Variants in PDSS2 observed in about 807,000 individuals in gnomAD.
The protein encoded by PDSS2 is decaprenyl diphosphate synthase subunit 2.
In PDSS2, 31 loss-of-function variants were observed where a neutral mutation model predicts 44.5. The observed-to-expected ratio is 0.70, with a 90% CI of 0.52 to 0.94. The LOEUF (loss-of-function observed/expected upper bound fraction) is 0.94, where lower values mean the gene tolerates loss of function less well. Ranked by LOEUF, PDSS2 falls within the 40% of genes least tolerant of loss-of-function variation. The probability of loss-of-function intolerance (pLI) is 0.00; values close to 1 mark genes in which losing one functional copy is unlikely to be tolerated. For missense variants in PDSS2, 452 were observed against 482.2 expected (o/e 0.94, Z 0.59); for synonymous variants, 157 against 180.3 (o/e 0.87, Z 1.03).
At chr6:107,427,796 T>A (rs2114734444) in intron 1 of PDSS2, among the ~76,000 whole-genome samples, 1 of 152,344 alleles carries the variant, frequency 6.6e-6, no homozygotes, top group South Asian at 2.1e-4. Context: ...AGTATTTAGA[T>A]TGGATTGTTA....
intron 4 of PDSS2, among the ~76,000 whole-genome samples, chr6:107,231,371 C>T (rs1393660893): frequency 6.6e-6 from 1 of 152,140 alleles, no homozygotes; most frequent in Non-Finnish European, 1.5e-5. Context: ...AAACAGGAGA[C>T]ATCAGTTGTA....
At chr6:107,252,645 G>A (rs968899708) in intron 3 of PDSS2, among the ~76,000 whole-genome samples, 2 of 152,220 alleles carry the variant, frequency 1.3e-5, no homozygotes, top group African/African-American at 4.8e-5. Flanking sequence ...AATTGCAACT[G>A]AGGCTAGATG....
intron 7 of PDSS2, among the ~76,000 whole-genome samples, chr6:107,188,583 T>A (rs1281102506): frequency 6.6e-6 from 1 of 152,136 alleles, no homozygotes; most frequent in Non-Finnish European, 1.5e-5. Context: ...TTGGATGTTT[T>A]ATCCCCTCCA....
intron 4 of PDSS2, among the ~76,000 whole-genome samples, chr6:107,239,347 C>T (rs144157491): frequency 1.3e-5 from 2 of 152,146 alleles, no homozygotes; most frequent in African/African-American, 4.8e-5. Flanking sequence ...TGAAATTGTT[C>T]AGTAAATTAC....
At chr6:107,335,478 A>T (rs1259637453) in intron 1 of PDSS2, among the ~76,000 whole-genome samples, 1 of 152,250 alleles carries the variant, frequency 6.6e-6, no homozygotes, top group Non-Finnish European at 1.5e-5. Flanking sequence ...AAGACGCAGA[A>T]ATTTGATAAG....
At chr6:107,337,647 CT>C (rs942410779) in intron 1 of PDSS2, among the ~76,000 whole-genome samples, 47 of 152,242 alleles carry the variant, frequency 3.1e-4, no homozygotes, top group African/African-American at 1.1e-3. Context: ...ATTTTCTTTC[CT>C]TGTTACTTTT....
chr6:107,260,272 A>G (rs1444638237), intron 3 of PDSS2, among the ~76,000 whole-genome samples: 1 of 152,216 alleles, frequency 6.6e-6, no homozygotes, highest in Non-Finnish European at 1.5e-5. Context: ...CCCAATCACT[A>G]TGGCTAAATA....
At chr6:107,452,269 ACT>A (rs1372369921) in intron 1 of PDSS2, among the ~76,000 whole-genome samples, 1 of 148,008 alleles carries the variant, frequency 6.8e-6, no homozygotes, top group East Asian at 2.0e-4. Context: ...ACAGAGTGTC[ACT>A]CTGTTGCCCA....
chr6:107,225,214 C>G (rs1773780339), intron 4 of PDSS2, among the ~76,000 whole-genome samples: 1 of 123,260 alleles, frequency 8.1e-6, no homozygotes, highest in South Asian at 2.6e-4. Context: ...CTCTGTTGCC[C>G]AGGCTGGAGT....
intron 1 of PDSS2, among the ~76,000 whole-genome samples, chr6:107,377,634 C>T (rs1779325989): frequency 6.6e-6 from 1 of 152,066 alleles, no homozygotes; most frequent in Non-Finnish European, 1.5e-5. Flanking sequence ...TTGGAACCAA[C>T]CCAAATGTCC....
intron 1 of PDSS2, among the ~76,000 whole-genome samples, chr6:107,336,225 C>T (rs976259193): frequency 6.7e-6 from 1 of 148,662 alleles, no homozygotes; most frequent in African/African-American, 2.5e-5. Flanking sequence ...ACTGCACTCC[C>T]AGCTTGGGTG....
chr6:107,171,498 C>CAA (rs1472280575), intron 7 of PDSS2, among the ~76,000 whole-genome samples: 2 of 151,772 alleles, frequency 1.3e-5, no homozygotes, highest in African/African-American at 4.8e-5. Flanking sequence ...TAAAAGACCA[C>CAA]AATTTTTTTC....
At chr6:107,263,196 T>G (rs1582865612) in intron 3 of PDSS2, among the ~76,000 whole-genome samples, 1 of 152,046 alleles carries the variant, frequency 6.6e-6, no homozygotes, top group Non-Finnish European at 1.5e-5. Flanking sequence ...CTTACGCCTG[T>G]AATCTCAGCA....
At chr6:107,213,144 G>A (rs1385409498) in intron 4 of PDSS2, among the ~76,000 whole-genome samples, 1 of 151,794 alleles carries the variant, frequency 6.6e-6, no homozygotes, top group African/African-American at 2.4e-5. Context: ...CAAGTAGCTG[G>A]GACCACAGGC....
At chr6:107,312,224 C>T (rs1777066470) in intron 2 of PDSS2, among the ~76,000 whole-genome samples, 1 of 152,196 alleles carries the variant, frequency 6.6e-6, no homozygotes. Flanking sequence ...TCCCTTCACT[C>T]CCTTCACTGG....
At chr6:107,212,426 C>A (rs772739227) in intron 4 of PDSS2, 144 bp from the exon 5 acceptor site, 12 of 648,720 alleles carry the variant, frequency 1.8e-5, no homozygotes, top group African/African-American at 3.7e-5. Flanking sequence ...AGATGCCTAA[C>A]CTCAGCTCTA....
chr6:107,248,516 TAAAAA>T (rs34881663), intron 3 of PDSS2, among the ~76,000 whole-genome samples: 1 of 122,240 alleles, frequency 8.2e-6, no homozygotes, highest in Non-Finnish European at 1.7e-5. Flanking sequence ...AGGGAACTGT[TAAAAA>T]AAAAAAAAAA....
intron 2 of PDSS2, among the ~76,000 whole-genome samples, chr6:107,297,384 A>ATT (rs752620723): frequency 1.6e-4 from 23 of 144,312 alleles, no homozygotes; most frequent in East Asian, 1.0e-3. Context: ...GTGGGAGTGA[A>ATT]TTTTTTTTTT....
chr6:107,275,783 A>G (rs1261496796), intron 2 of PDSS2, among the ~76,000 whole-genome samples: 1 of 152,146 alleles, frequency 6.6e-6, no homozygotes, highest in Non-Finnish European at 1.5e-5. Context: ...GAAGCTGGAA[A>G]GCTACTCAGC....
Sources: gnomAD v4.1 joint callset for allele counts (sites outside exome capture counted in the v4.1 genomes callset) on GRCh38, gnomAD v4.1.1 for gene constraint, MANE v1.5 for transcripts, NCBI Gene and HGNC (gene_info 2026-07-23, HGNC 2026-07-21) for gene names.